Variants in EPG5 observed in about 807,000 individuals in gnomAD.
EPG5 encodes ectopic P granules protein 5 homolog.
In EPG5, 159 loss-of-function variants were observed where a neutral mutation model predicts 302.7. That is an observed-to-expected ratio of 0.53 (90% CI 0.46 to 0.60). The LOEUF (loss-of-function observed/expected upper bound fraction) is 0.60, where lower values mean the gene tolerates loss of function less well. Ranked by LOEUF, EPG5 falls within the 20% of genes least tolerant of loss-of-function variation. EPG5 has a pLI of 0.00. For missense variants in EPG5, 2,896 were observed against 3,092.4 expected (o/e 0.94, Z 1.51); for synonymous variants, 1,158 against 1,136.8 (o/e 1.02, Z -0.37).
chr18:45,936,824 C>G (rs1424197781), intron 10 of EPG5, among the ~76,000 whole-genome samples: 1 of 148,448 alleles, frequency 6.7e-6, no homozygotes, highest in Non-Finnish European at 1.5e-5. Context: ...GCACTCAAAG[C>G]TGTTGCCGTA....
chr18:45,930,546 A>T, intron 12 of EPG5, 130 bp downstream of exon 12: 1 of 628,162 alleles, frequency 1.6e-6, no homozygotes, highest in Non-Finnish European at 2.6e-6. Context: ...CTGATTCTCT[A>T]TCCCTTCTCT....
In EPG5 at chr18:45,955,062, C is replaced by T. The variant is rs375017695; in HGVS notation, c.340G>A (p.Gly114Arg). 43 of 1,614,012 alleles carry T rather than the reference C, an allele frequency of 2.7e-5. No homozygotes were observed. In the African/African-American group the frequency reaches 4.9e-4, roughly 19 times the overall value. The change falls in exon 2 of 44, where the codon GGG becomes AGG. Residue 114 changes from glycine to arginine, a missense_variant. Transcript: ENST00000282041. The part of the protein sequence containing the change: ...KEGGEARPCV[G>R]DSAVTPKVHP... Reference sequence around the variant, plus strand: ...ACCTTTGGAGTGACTGCACTGTCCCCCACACAGGGTCTGGCCTCTCCCCCT... The same window carrying T: ...ACCTTTGGAGTGACTGCACTGTCCCTCACACAGGGTCTGGCCTCTCCCCCT...
chr18:45,853,565 C>A (rs528273785), intron 43 of EPG5, among the ~76,000 whole-genome samples: 1 of 152,148 alleles, frequency 6.6e-6, no homozygotes, highest in Non-Finnish European at 1.5e-5. Flanking sequence ...ATGGAGTGCC[C>A]CACTCCCTCC....
At chr18:45,801,838 G>T in the EPG5 span, among the ~76,000 whole-genome samples, 1 of 152,148 alleles carries the variant, frequency 6.6e-6, no homozygotes, top group South Asian at 2.1e-4. Flanking sequence ...AGTTCAGATG[G>T]CAGTTACAGC....
At chr18:45,916,245 C>T (rs775298571) in intron 18 of EPG5, 39 bp from the exon 19 acceptor site, 1 of 1,572,230 alleles carries the variant, frequency 6.4e-7, no homozygotes, top group South Asian at 1.2e-5. Flanking sequence ...AAGATAACAA[C>T]CAGCCTCTCA....
At chr18:45,806,363 T>C in the EPG5 span, among the ~76,000 whole-genome samples, 6 of 152,162 alleles carry the variant, frequency 3.9e-5, no homozygotes, top group Non-Finnish European at 8.8e-5. Context: ...TAGATTGCAG[T>C]TCTGACTCAG....
rs747213726 is a variant in EPG5, at chr18:45,878,336, C to A, written c.5942+40G>T. ...AATACCATTTAGAATTTTAAGTCTA[C>A]AAACGTCAAAGGAATTTGAATATCT... On this transcript the variant is annotated intron_variant, in intron 34 of 43. Transcript: ENST00000282041. The A allele has an allele frequency of 2.9e-6, 4 of 1,370,302 alleles. No individual in the cohort carries two copies. The Admixed American group carries it at 5.1e-5, about 17-fold the overall frequency. 84.9% of individuals were successfully genotyped at this position (1,370,302 alleles called of 1,614,324 possible).
intron 13 of EPG5, among the ~76,000 whole-genome samples, chr18:45,927,535 C>T (rs1328152890): frequency 2.0e-5 from 3 of 150,922 alleles, no homozygotes; most frequent in Admixed American, 1.3e-4. Context: ...TCACAATAGT[C>T]AAAAGGCAGA....
At chr18:45,845,794 CTT>C (rs2048358510), downstream of EPG5, among the ~76,000 whole-genome samples, 4 of 152,200 alleles carry the variant, frequency 2.6e-5, no homozygotes, top group South Asian at 8.3e-4. Context: ...GCCCACCAGA[CTT>C]TGAAGACAGC....
In EPG5 at chr18:45,853,651, A is replaced by C. The variant is rs1001252530; in HGVS notation, c.7558-1002T>G. ...GAATGTGCTTGATTCAAAAACCATA[A>C]GAGAGGGGATTTTTTTGAGGATGAT... On this transcript the variant is annotated intron_variant, in intron 43 of 43. Transcript: ENST00000282041. Among the ~76,000 whole-genome samples, 18 of 152,334 alleles carry C rather than the reference A, an allele frequency of 1.2e-4. No homozygotes were observed. In the South Asian group the frequency reaches 1.2e-3, roughly 11 times the overall value.
chr18:45,860,319 G>A lies in EPG5; in HGVS notation c.6794C>T (p.Ala2265Val). ...PDMDSQTRHM[A>V]LSSLFMEVLM... ...GACTTCCATAAAGAGGCTGCTGAGG[G>A]CCATGTGGCGGGTCTGGCTGTCCAT... The change falls in exon 40 of 44, where the codon GCC becomes GTC. Residue 2265 changes from alanine to valine, a missense_variant. Physicochemically the swap from Ala to Val is moderately conservative, Grantham distance 64 (BLOSUM62 0). Transcript: ENST00000282041. 1.9e-6 allele frequency: 3 copies of A among 1,614,272 alleles called. No individual in the cohort carries two copies. The highest frequency in any genetic ancestry group is 2.5e-6 in the Non-Finnish European group (3 of 1,180,058).
At chr18:45,915,139 G>A (rs1219603218) in intron 20 of EPG5, among the ~76,000 whole-genome samples, 3 of 152,028 alleles carry the variant, frequency 2.0e-5, no homozygotes, top group Admixed American at 6.6e-5. Flanking sequence ...TTAGCTGGGC[G>A]TGGTGGCGCA....
chr18:45,818,199 A>G, the EPG5 span, among the ~76,000 whole-genome samples: 2 of 152,322 alleles, frequency 1.3e-5, no homozygotes, highest in Middle Eastern at 6.8e-3. Context: ...TGCTAATGAT[A>G]ATACATGTTG....
At chr18:45,835,732 G>A in the EPG5 span, among the ~76,000 whole-genome samples, 1 of 152,144 alleles carries the variant, frequency 6.6e-6, no homozygotes, top group African/African-American at 2.4e-5. Flanking sequence ...GAAACACAGT[G>A]GGATTTTTTC....
chr18:45,822,549 A>G, the EPG5 span, among the ~76,000 whole-genome samples: 1 of 152,234 alleles, frequency 6.6e-6, no homozygotes, highest in African/African-American at 2.4e-5. Flanking sequence ...AAGGATATTG[A>G]ATTTTCCCAA....
the EPG5 span, among the ~76,000 whole-genome samples, chr18:45,830,608 C>T: frequency 2.4e-4 from 7 of 29,548 alleles, no homozygotes; most frequent in Admixed American, 1.5e-3. Context: ...TTTTTTGAGA[C>T]GGAGTCTCGC....
At chr18:45,909,206 G>A (rs2049833290) in intron 23 of EPG5, among the ~76,000 whole-genome samples, 1 of 152,132 alleles carries the variant, frequency 6.6e-6, no homozygotes, top group African/African-American at 2.4e-5. Flanking sequence ...CAGGGAAGAG[G>A]TTGCTAAGTA....
the EPG5 span, among the ~76,000 whole-genome samples, chr18:45,820,399 G>A: frequency 6.6e-6 from 1 of 152,172 alleles, no homozygotes; most frequent in African/African-American, 2.4e-5. Flanking sequence ...TGACCTCCCT[G>A]GCTTCCTAAC....
the EPG5 span, among the ~76,000 whole-genome samples, chr18:45,832,585 C>T: frequency 2.6e-5 from 4 of 152,216 alleles, 1 homozygote; most frequent in East Asian, 7.7e-4. Flanking sequence ...TGCTTCCCGC[C>T]ATACCCTATG....
Sources: allele counts gnomAD v4.1 joint callset (sites outside exome capture counted in the v4.1 genomes callset), GRCh38; gene constraint gnomAD v4.1.1; transcripts MANE v1.5; gene names NCBI Gene and HGNC (gene_info 2026-07-23, HGNC 2026-07-21).